Variants in ZBTB39 observed in about 807,000 individuals in gnomAD.
The protein encoded by ZBTB39 is zinc finger and BTB domain containing 39.
Under a neutral mutation model 39.4 loss-of-function variants are expected in ZBTB39, and 25 were observed. The observed-to-expected ratio is 0.63, with a 90% confidence interval of 0.46 to 0.89. ZBTB39 has a LOEUF of 0.89. Among genes scored for constraint, ZBTB39 ranks in the 40% least tolerant of loss-of-function variants. The probability of loss-of-function intolerance (pLI) is 0.00; values close to 1 mark genes in which losing one functional copy is unlikely to be tolerated. For missense variants in ZBTB39, 891 were observed against 909.7 expected, an observed-to-expected ratio of 0.98 and a Z score of 0.26; for synonymous variants, 373 against 359.6, an observed-to-expected ratio of 1.04 and a Z score of -0.42.
In ZBTB39 at chr12:57,003,596, C is replaced by T. The variant is rs758497709; in HGVS notation, c.1322G>A (p.Gly441Asp). The T allele has an allele frequency of 1.2e-6, 2 of 1,614,078 alleles. No homozygotes were observed. Among genetic ancestry groups the T allele is most frequent in the Non-Finnish European group, 1.7e-6 (2 of 1,179,916 alleles). The change falls in exon 2 of 2, where the codon GGT becomes GAT. Residue 441 changes from glycine to aspartate, a missense_variant. Coordinates refer to ENST00000300101, the MANE Select transcript of ZBTB39 (RefSeq NM_014830.3). This position sits in a 1 kb window ranked among gnomAD's most constrained non-coding sequence, Gnocchi z 4.8. ...TGGGGAGGCTGCCCCTGAAAAGAGACCCAGCTTCCCTGGCAGGGGATCGTT... is the reference window on the plus strand; with the variant it reads ...TGGGGAGGCTGCCCCTGAAAAGAGATCCAGCTTCCCTGGCAGGGGATCGTT... ...HPNDPLPGKL[G>D]LFSGAASPEL...
At position 57,003,909 on chromosome 12, in the gene ZBTB39, T is replaced by C; in HGVS notation, c.1009A>G (p.Asn337Asp). The change falls in exon 2 of 2, where the codon AAT (asparagine) becomes GAT (aspartate). Residue 337 changes from asparagine (N) to aspartate (D), a missense_variant. Transcript: ENST00000300101. This position sits in a 1 kb window ranked among gnomAD's most constrained non-coding sequence, Gnocchi z 4.8. ...EDELAFGEND[N>D]RENKAMPCQV... ...CAGGGCATGGCCTTATTCTCCCGATTGTCATTCTCTCCAAAAGCCAACTCA... is the reference window on the plus strand; with the variant it reads ...CAGGGCATGGCCTTATTCTCCCGATCGTCATTCTCTCCAAAAGCCAACTCA... The C allele has an allele frequency of 6.2e-7, 1 of 1,614,206 alleles. No individual in the cohort carries two copies. Among genetic ancestry groups the C allele is most frequent in the Non-Finnish European group, 8.5e-7 (1 of 1,180,030 alleles).
intron 1 of ZBTB39, among the ~76,000 whole-genome samples, chr12:57,006,030 G>A (rs915667680): frequency 6.6e-6 from 1 of 152,208 alleles, no homozygotes; most frequent in East Asian, 1.9e-4. Flanking sequence ...GGCAGCCAGA[G>A]GAGAGGGTGG....
In ZBTB39 at chr12:57,003,215, G is replaced by A. The variant is rs1956220793; in HGVS notation, c.1703C>T (p.Ala568Val). ...SQHKCNSGLD[A>V]RPGFGLQHPA... is the part of the protein sequence containing the mutation. ...GTGCTGCAGCCCAAAACCAGGCCGT[G>A]CATCAAGGCCACTGTTGCATTTGTG... Residue 568 changes from alanine (A) to valine (V), a missense_variant, in exon 2 of 2, where the codon GCA becomes GTA. By Grantham distance (64) the Ala-to-Val change is moderately conservative. Transcript: ENST00000300101. This position sits in a 1 kb window ranked among gnomAD's most constrained non-coding sequence, Gnocchi z 4.8. 6.2e-7 allele frequency: 1 copy of A among 1,614,048 alleles called. No homozygotes were observed. Among genetic ancestry groups the A allele is most frequent in the East Asian group, 2.2e-5 (1 of 44,898 alleles).
chr12:57,006,297 G>C (rs1565631106), intron 1 of ZBTB39, 108 bp downstream of exon 1: 2 of 152,664 alleles, frequency 1.3e-5, no homozygotes, highest in Non-Finnish European at 2.9e-5. Context: ...GGGGAGGATG[G>C]GTCCGGCCGA....
In ZBTB39 at chr12:57,002,801, G is replaced by A. The variant is rs116414697; in HGVS notation, c.2117C>T (p.Ala706Val). The change falls in exon 2 of 2, where the codon GCG becomes GTG. Residue 706 changes from alanine (A) to valine (V), a missense_variant. Physicochemically the swap from Ala to Val is moderately conservative, Grantham distance 64. Coordinates refer to ENST00000300101, the MANE Select transcript of ZBTB39 (RefSeq NM_014830.3). Reference protein sequence around the residue: ...TFMYIIHSKEADKNPDS With the variant: ...TFMYIIHSKEVDKNPDS ...CAGTCAACTGTCCGGGTTCTTATCC[G>A]CCTCTTTGGAATGGATGATGTACAT... The A allele has an allele frequency of 4.5e-4, 729 of 1,613,942 alleles. 6 individuals carry two copies. In the Middle Eastern group the frequency reaches 0.01, roughly 23 times the overall value.
Position 57,003,351 on chromosome 12 carries a change from G to A in ZBTB39, c.1567C>T (p.Leu523=). ...CANSFVDWHL[L]EKHMAVHQSL... is the part of the protein sequence containing the mutation. Reference sequence around the variant, plus strand: ...TGGTGCACAGCCATGTGCTTCTCTAGAAGATGCCAGTCCACAAAGCTGTTC... The same window carrying A: ...TGGTGCACAGCCATGTGCTTCTCTAAAAGATGCCAGTCCACAAAGCTGTTC... The change falls in exon 2 of 2, where the codon CTA becomes TTA. Residue 523 remains leucine (L), a synonymous_variant. Transcript: ENST00000300101. This position sits in a 1 kb window ranked among gnomAD's most constrained non-coding sequence, Gnocchi z 4.8. The A allele has an allele frequency of 6.2e-7, 1 of 1,613,954 alleles. No individual in the cohort carries two copies. Among genetic ancestry groups the A allele is most frequent in the Non-Finnish European group, 8.5e-7 (1 of 1,179,900 alleles).
In ZBTB39 at chr12:57,004,460, G is replaced by A; in HGVS notation, c.458C>T (p.Ala153Val). The A allele has an allele frequency of 5.0e-6, 8 of 1,614,172 alleles. No homozygotes were observed. The highest frequency in any genetic ancestry group is 5.9e-6 in the Non-Finnish European group (7 of 1,180,042). ...ACCTCGGAGTTCTCCAAGGGGATGG[G>A]CAGGTTCTGCCGAAGGACAACTCAG... is the stretch of plus-strand genomic sequence containing the variant. ...GTLSCPSAEP[A>V]HPLGELRGGG... The change falls in exon 2 of 2, where the codon GCC becomes GTC. Residue 153 changes from alanine (A) to valine (V), a missense_variant. Coordinates refer to ENST00000300101, the MANE Select transcript of ZBTB39 (RefSeq NM_014830.3).
chr12:57,003,069 T>G lies in ZBTB39; in HGVS notation c.1849A>C (p.Thr617Pro), dbSNP rs1956219631. 6.2e-7 allele frequency: 1 copy of G among 1,612,754 alleles called. No individual in the cohort carries two copies. Among genetic ancestry groups the G allele is most frequent in the South Asian group, 1.1e-5 (1 of 90,992 alleles). Reference sequence around the variant, plus strand: ...CGCCGGTGGTAGTTGAATTCGCTTGTGTGGGCAAATCTTTTGCCACAGACC... The same window carrying G: ...CGCCGGTGGTAGTTGAATTCGCTTGGGTGGGCAAATCTTTTGCCACAGACC... The part of the protein sequence containing the change: ...CKVCGKRFAH[T>P]SEFNYHRRIH... The change falls in exon 2 of 2, where the codon ACA becomes CCA. Residue 617 changes from threonine (T) to proline (P), a missense_variant. Thr to Pro is a conservative substitution (Grantham distance 38, BLOSUM62 -1). Transcript: ENST00000300101. The surrounding 1 kb of genome is among the most constrained non-coding windows in gnomAD (Gnocchi z 4.8).
Position 57,004,321 on chromosome 12 carries a change from C to T in ZBTB39, c.597G>A (p.Leu199=), listed in dbSNP as rs148809946. The T allele has an allele frequency of 1.8e-3, 2,844 of 1,614,152 alleles. 7 individuals are homozygous for T. Among genetic ancestry groups the T allele is most frequent in the Middle Eastern group, 0.01 (63 of 6,062 alleles). ...TTGGCGGTGGTGGGGGCGGTTGCGG[C>T]AGATGCAGGCTATGGTTAGCGTCAC... is the stretch of plus-strand genomic sequence containing the variant. ...VASDANHSLH[L]PQPPPPPPKT... Residue 199 remains leucine (L), a synonymous_variant, in exon 2 of 2, where the codon CTG becomes CTA. Transcript: ENST00000300101.
At position 57,003,710 on chromosome 12, in the gene ZBTB39, T is replaced by C. The variant is rs755325347; in HGVS notation, c.1208A>G (p.Asp403Gly). The C allele has an allele frequency of 7.2e-5, 117 of 1,613,996 alleles. No individual in the cohort carries two copies. Among genetic ancestry groups the C allele is most frequent in the Non-Finnish European group, 8.6e-5 (102 of 1,180,044 alleles). ...SHIGIFLFSC[D>G]MCETKFFTQW... is the part of the protein sequence containing the mutation. Reference sequence around the variant, plus strand: ...GGTAAAGAACTTAGTTTCACACATGTCGCAGGAGAAAAGGAAAATACCAAT... The same window carrying C: ...GGTAAAGAACTTAGTTTCACACATGCCGCAGGAGAAAAGGAAAATACCAAT... Residue 403 changes from aspartate to glycine, a missense_variant, in exon 2 of 2, where the codon GAC (aspartate) becomes GGC (glycine). Physicochemically the swap from Asp to Gly is moderately conservative, Grantham distance 94 (BLOSUM62 -1). Transcript: ENST00000300101. The surrounding 1 kb of genome is among the most constrained non-coding windows in gnomAD (Gnocchi z 4.8).
chr12:57,004,955 A>G lies in ZBTB39; in HGVS notation c.-38T>C. 6.5e-7 allele frequency: 1 copy of G among 1,537,732 alleles called. No homozygotes were observed. Among genetic ancestry groups the G allele is most frequent in the Non-Finnish European group, 8.8e-7 (1 of 1,138,428 alleles). On this transcript the variant is annotated 5_prime_UTR_variant, in exon 2 of 2. Coordinates refer to ENST00000300101, the MANE Select transcript of ZBTB39 (RefSeq NM_014830.3). ...TATGAAATTACCTCCTTATCAGCAC[A>G]GTTAATCTGTGGATAGCAAGAGAAA...
rs935179891 is a variant in ZBTB39 at position 57,001,343 on chromosome 12, G to A, written c.*1436C>T. 4 of 152,642 alleles carry A rather than the reference G, an allele frequency of 2.6e-5. No homozygotes were observed. The highest frequency in any genetic ancestry group is 7.2e-5 in the African/African-American group (3 of 41,450). The allele number at this position is 152,642 out of a possible 1,614,324, so 9.5% of individuals were successfully genotyped here. On this transcript the variant is annotated 3_prime_UTR_variant, in exon 2 of 2. Coordinates refer to ENST00000300101, the MANE Select transcript of ZBTB39 (RefSeq NM_014830.3). ...AAACCACTTGCTTGTGAAACAGCCC[G>A]GGGTGTTGCTGAATCCCACCAGGGG...
rs146409615 is a variant in ZBTB39 at position 57,004,251 on chromosome 12, T to C, written c.667A>G (p.Ser223Gly). 38 of 1,614,166 alleles carry C rather than the reference T, an allele frequency of 2.4e-5. No individual in the cohort carries two copies. The highest frequency in any genetic ancestry group is 1.6e-4 in the Middle Eastern group (1 of 6,062). ...CCTAGGAGTGGCTGGGTCATCATGCTAGGAATGGACGTGAAGGGAGCAGGG... is the reference window on the plus strand; with the variant it reads ...CCTAGGAGTGGCTGGGTCATCATGCCAGGAATGGACGTGAAGGGAGCAGGG... ...DTPAPFTSIP[S>G]MMTQPLLGTV... Residue 223 changes from serine to glycine, a missense_variant, in exon 2 of 2, where the codon AGC (serine) becomes GGC (glycine). Ser to Gly is a moderately conservative substitution (Grantham distance 56). Transcript: ENST00000300101.
chr12:57,005,177 A>G (rs1252806682), intron 1 of ZBTB39, among the ~76,000 whole-genome samples: 3 of 152,212 alleles, frequency 2.0e-5, no homozygotes, highest in Non-Finnish European at 4.4e-5. Flanking sequence ...ACTGATGACA[A>G]TCTGATAGCT....
At chr12:57,005,909 A>G (rs977206213) in intron 1 of ZBTB39, among the ~76,000 whole-genome samples, 2 of 151,762 alleles carry the variant, frequency 1.3e-5, no homozygotes, top group African/African-American at 4.8e-5. Context: ...GATTCTAACA[A>G]CTCCCAACTT....
At position 57,003,992 on chromosome 12, in the gene ZBTB39, G is replaced by A. The variant is rs1394583238; in HGVS notation, c.926C>T (p.Pro309Leu). The change falls in exon 2 of 2, where the codon CCT (proline) becomes CTT (leucine). Residue 309 changes from proline to leucine, a missense_variant. Coordinates refer to ENST00000300101, the MANE Select transcript of ZBTB39 (RefSeq NM_014830.3). This position sits in a 1 kb window ranked among gnomAD's most constrained non-coding sequence, Gnocchi z 4.8. ...LGDDDLQFED[P>L]AEDIGTTEEV... ...CTCAGTTGTGCCTATATCCTCAGCA[G>A]GGTCTTCAAACTGCAAGTCATCATC... is the stretch of plus-strand genomic sequence containing the variant. 2 of 1,614,120 alleles carry A rather than the reference G, an allele frequency of 1.2e-6. No individual in the cohort carries two copies. The highest frequency in any genetic ancestry group is 1.3e-5 in the African/African-American group (1 of 74,928).
At chr12:57,005,884 T>G (rs1956242026) in intron 1 of ZBTB39, among the ~76,000 whole-genome samples, 1 of 152,210 alleles carries the variant, frequency 6.6e-6, no homozygotes, top group African/African-American at 2.4e-5. Flanking sequence ...CACAGCCCCT[T>G]TCTCCATCTC....
At position 57,000,514 on chromosome 12, in the gene ZBTB39, C is replaced by T. The variant is rs146192242; in HGVS notation, c.*2265G>A. On this transcript the variant is annotated 3_prime_UTR_variant, in exon 2 of 2. Transcript: ENST00000300101. The stretch of plus-strand genomic sequence containing the variant: ...TGGTTCCTGTAATTACCACCTCTCT[C>T]ACACCAGCATTTCAAAAATCAGTCC... 1 of 152,808 alleles carries T rather than the reference C, an allele frequency of 6.5e-6. No individual in the cohort carries two copies. The highest frequency in any genetic ancestry group is 1.9e-4 in the East Asian group (1 of 5,184). The allele number at this position is 152,808 out of a possible 1,614,324, so 9.5% of individuals were successfully genotyped here. A position where few individuals can be genotyped will look rare whatever the true frequency, so the allele number is the denominator to read the frequency against.
rs1197929764 is a variant in ZBTB39 at position 57,004,823 on chromosome 12, A to T, written c.95T>A (p.Val32Asp). 6.2e-7 allele frequency: 1 copy of T among 1,614,196 alleles called. No individual in the cohort carries two copies. Among genetic ancestry groups the T allele is most frequent in the Admixed American group, 1.7e-5 (1 of 60,026 alleles). ...GGAGCGGCTCCCCACCACAATGGTG[A>T]CGTCGCACATGGTCTCTGAGAGCCG... is the stretch of plus-strand genomic sequence containing the variant. ...KCRLSETMCDVTIVVGSRSFP... is the reference protein window; with the variant it reads ...KCRLSETMCDDTIVVGSRSFP... The change falls in exon 2 of 2, where the codon GTC becomes GAC. Residue 32 changes from valine (V) to aspartate (D), a missense_variant. Transcript: ENST00000300101.
Sources: gnomAD v4.1 joint callset for allele counts (sites outside exome capture counted in the v4.1 genomes callset) on GRCh38, gnomAD v4.1.1 for gene constraint, Gnocchi (gnomAD v3.1) non-coding constraint, MANE v1.5 for transcripts, NCBI Gene and HGNC (gene_info 2026-07-23, HGNC 2026-07-21) for gene names.